NBAS: variants seen among roughly 807,000 people sequenced by gnomAD.
The protein encoded by NBAS is NAG/BC035112 fusion.
In NBAS, 219 loss-of-function variants were observed where a neutral mutation model predicts 302.5. That is an observed-to-expected ratio of 0.72 (90% CI 0.65 to 0.81). The LOEUF is 0.81. Among genes scored for constraint, NBAS ranks in the 30% least tolerant of loss-of-function variants. NBAS has a pLI of 0.00. For synonymous variants in NBAS, 1,118 were observed against 1,021.6 expected (o/e 1.09, Z -1.80); for missense variants, 2,932 against 2,841.6 (o/e 1.03, Z -0.72).
At chr2:14,934,627 A>G in the NBAS span, among the ~76,000 whole-genome samples, 1 of 152,186 alleles carries the variant, frequency 6.6e-6, no homozygotes, top group Non-Finnish European at 1.5e-5. Flanking sequence ...AGGCCACACA[A>G]TAGTGCCCTC....
the NBAS span, among the ~76,000 whole-genome samples, chr2:14,933,953 T>A: frequency 6.6e-6 from 1 of 152,206 alleles, no homozygotes; most frequent in South Asian, 2.1e-4. Flanking sequence ...ACTTGTAGAT[T>A]TTTCTCTTTG....
the NBAS span, among the ~76,000 whole-genome samples, chr2:15,115,690 T>C: frequency 2.0e-5 from 3 of 152,146 alleles, no homozygotes; most frequent in Admixed American, 6.5e-5. Flanking sequence ...TTTTTAACTT[T>C]TTTGTATAGA....
chr2:14,862,451 T>C, the NBAS span, among the ~76,000 whole-genome samples: 3 of 152,172 alleles, frequency 2.0e-5, no homozygotes, highest in Non-Finnish European at 4.4e-5. Flanking sequence ...AATTAGTTTC[T>C]GGAAGGTGGG....
At chr2:14,841,673 A>G in the NBAS span, among the ~76,000 whole-genome samples, 317 of 152,062 alleles carry the variant, frequency 2.1e-3, no homozygotes, top group Middle Eastern at 3.4e-3. Context: ...TCAACACCAA[A>G]GCTCCCAGGT....
Position 15,379,748 on chromosome 2 carries a change from T to C in NBAS, c.3444A>G (p.Ser1148=). 1 of 1,614,088 alleles carries C rather than the reference T, an allele frequency of 6.2e-7. No homozygotes were observed. The highest frequency in any genetic ancestry group is 8.5e-7 in the Non-Finnish European group (1 of 1,179,994). The part of the protein sequence containing the change: ...AGQMMHCSAC[S]ENPPAGIAHK... The stretch of plus-strand genomic sequence containing the variant: ...GGGCTATACCAGCTGGAGGATTTTC[T>C]GAACAAGCACTGCAGTGCATCATCT... The change falls in exon 30 of 52, where the codon TCA becomes TCG. Residue 1148 remains serine, a synonymous_variant. Coordinates refer to ENST00000281513, the MANE Select transcript of NBAS (RefSeq NM_015909.4).
the NBAS span, among the ~76,000 whole-genome samples, chr2:14,893,536 T>G: frequency 9.9e-5 from 15 of 152,236 alleles, no homozygotes; most frequent in Admixed American, 3.9e-4. Flanking sequence ...TGGCAGGAAG[T>G]ACATGCTGTT....
At chr2:14,798,526 T>C in the NBAS span, among the ~76,000 whole-genome samples, 1 of 152,204 alleles carries the variant, frequency 6.6e-6, no homozygotes, top group African/African-American at 2.4e-5. Context: ...TAAGTGCTAT[T>C]GGTCTGTCAA....
chr2:15,329,372 T>C (rs1002984280), intron 36 of NBAS, among the ~76,000 whole-genome samples: 2 of 152,084 alleles, frequency 1.3e-5, no homozygotes, highest in African/African-American at 4.8e-5. Context: ...AAAAAATATA[T>C]CCCATCCCCA....
the NBAS span, among the ~76,000 whole-genome samples, chr2:15,123,453 C>T: frequency 7.9e-5 from 12 of 152,192 alleles, no homozygotes; most frequent in South Asian, 2.5e-3. Context: ...GTAACCCCCA[C>T]AAGAATATGA....
chr2:15,426,582 AT>A (rs1481615164), intron 22 of NBAS, among the ~76,000 whole-genome samples: 1 of 152,116 alleles, frequency 6.6e-6, no homozygotes, highest in Non-Finnish European at 1.5e-5. Context: ...CAACTATCAC[AT>A]TTTTAATGTC....
At chr2:15,102,145 G>A in the NBAS span, among the ~76,000 whole-genome samples, 3 of 152,220 alleles carry the variant, frequency 2.0e-5, no homozygotes, top group African/African-American at 4.8e-5. Context: ...AGCATCCTCT[G>A]TGTCCAGCCA....
intron 31 of NBAS, among the ~76,000 whole-genome samples, chr2:15,369,774 A>T (rs1204055928): frequency 6.6e-6 from 1 of 152,238 alleles, no homozygotes; most frequent in East Asian, 1.9e-4. Context: ...TCATGAATAT[A>T]TCTCAAATGA....
the NBAS span, among the ~76,000 whole-genome samples, chr2:14,951,564 C>A: frequency 3.3e-5 from 5 of 152,198 alleles, no homozygotes; most frequent in South Asian, 1.0e-3. Context: ...TTAGCCAACC[C>A]AGCTCACTCA....
At chr2:15,229,682 T>C (rs1013818598) in intron 47 of NBAS, among the ~76,000 whole-genome samples, 4 of 151,152 alleles carry the variant, frequency 2.6e-5, no homozygotes, top group South Asian at 2.1e-4. Flanking sequence ...CTCGGGAGGC[T>C]GAGGCAGGAG....
intron 8 of NBAS, 121 bp from the exon 9 acceptor site, chr2:15,534,762 A>T: frequency 1.3e-6 from 1 of 791,004 alleles, no homozygotes; most frequent in Non-Finnish European, 2.2e-6. Context: ...TGAGGATATA[A>T]AACAACCAGA....
intron 29 of NBAS, 30 bp downstream of exon 29, chr2:15,383,185 A>T (rs74849558): frequency 1.4e-5 from 20 of 1,433,824 alleles, no homozygotes; most frequent in Non-Finnish European, 1.9e-5. Flanking sequence ...TGTTAAATTA[A>T]AAAAAAATCG....
the NBAS span, among the ~76,000 whole-genome samples, chr2:15,090,507 A>ACT: frequency 6.6e-6 from 1 of 152,242 alleles, no homozygotes; most frequent in Non-Finnish European, 1.5e-5. Flanking sequence ...AATGGAGAGG[A>ACT]CATCCCTTTA....
At chr2:15,161,546 G>T in the NBAS span, among the ~76,000 whole-genome samples, 2 of 150,028 alleles carry the variant, frequency 1.3e-5, no homozygotes, top group East Asian at 3.9e-4. Context: ...GTGTCCAGAA[G>T]AGAAAGTTCA....
the NBAS span, among the ~76,000 whole-genome samples, chr2:14,864,870 G>C: frequency 1.3e-5 from 2 of 152,184 alleles, no homozygotes; most frequent in Non-Finnish European, 2.9e-5. Flanking sequence ...CTGCCATGTA[G>C]TAAATGCTCA....
Sources: allele counts gnomAD v4.1 joint callset (sites outside exome capture counted in the v4.1 genomes callset), GRCh38; gene constraint gnomAD v4.1.1; transcripts MANE v1.5; gene names NCBI Gene and HGNC (gene_info 2026-07-23, HGNC 2026-07-21).